ROR1: variants seen among roughly 807,000 people sequenced by gnomAD.
ROR1 encodes ROR family WNT receptor 1.
ROR1 carries 19 observed loss-of-function variants against 78.8 expected under a neutral mutation model. That is an observed-to-expected ratio of 0.24 (90% CI 0.17 to 0.35). The LOEUF (loss-of-function observed/expected upper bound fraction) is 0.35, where lower values mean the gene tolerates loss of function less well. ROR1 is among the 10% of genes least tolerant of loss of function. The pLI is 1.00. For synonymous variants in ROR1, 386 were observed against 433.6 expected (o/e 0.89, Z 1.36); for missense variants, 917 against 1,177.8 (o/e 0.78, Z 3.24).
At chr1:63,871,305 A>T (rs1312377122) in intron 1 of ROR1, among the ~76,000 whole-genome samples, 1 of 152,208 alleles carries the variant, frequency 6.6e-6, no homozygotes, top group African/African-American at 2.4e-5. Context: ...GGAAGAATCC[A>T]GAAGGGGTCC....
chr1:64,055,883 C>G (rs1046385813), intron 4 of ROR1, among the ~76,000 whole-genome samples: 1 of 152,144 alleles, frequency 6.6e-6, no homozygotes, highest in African/African-American at 2.4e-5. Context: ...ACTTCCTATC[C>G]CTATGAATTT....
At chr1:64,159,623 C>T (rs1649880656) in intron 8 of ROR1, among the ~76,000 whole-genome samples, 1 of 152,124 alleles carries the variant, frequency 6.6e-6, no homozygotes, top group South Asian at 2.1e-4. Flanking sequence ...ATAGTTAAAA[C>T]CACTGTACTA....
intron 7 of ROR1, among the ~76,000 whole-genome samples, chr1:64,148,889 ATTAT>A (rs149235143): frequency 0.023 from 3,452 of 152,262 alleles, 55 homozygotes; most frequent in Non-Finnish European, 0.034. Flanking sequence ...AGAATTACTA[ATTAT>A]TTATTCATTC....
intron 2 of ROR1, among the ~76,000 whole-genome samples, chr1:64,021,495 T>G (rs150818022): frequency 6.6e-6 from 1 of 152,308 alleles, no homozygotes; most frequent in Non-Finnish European, 1.5e-5. Context: ...ACCTGACACT[T>G]CCTGAGCACC....
chr1:64,160,018 T>A (rs1649893609), intron 8 of ROR1, among the ~76,000 whole-genome samples: 1 of 152,218 alleles, frequency 6.6e-6, no homozygotes, highest in Admixed American at 6.5e-5. Flanking sequence ...AGCAAAAAGA[T>A]TTCATTTAAA....
At chr1:64,003,727 T>C (rs949699788) in intron 1 of ROR1, among the ~76,000 whole-genome samples, 5 of 152,204 alleles carry the variant, frequency 3.3e-5, no homozygotes, top group Non-Finnish European at 5.9e-5. Context: ...GCCTGTCCTT[T>C]TAAGTTACAG....
intron 2 of ROR1, 123 bp downstream of exon 2, chr1:64,009,499 A>G: frequency 1.5e-6 from 1 of 675,768 alleles, no homozygotes; most frequent in South Asian, 1.9e-5. Flanking sequence ...GGGCCAAAAT[A>G]AATCCCCAGC....
At chr1:64,027,391 C>T (rs995103536) in intron 2 of ROR1, among the ~76,000 whole-genome samples, 1 of 152,168 alleles carries the variant, frequency 6.6e-6, no homozygotes, top group Non-Finnish European at 1.5e-5. Context: ...ATTTCTCAAC[C>T]TAAATTATCT....
chr1:64,014,381 C>T lies in ROR1; in HGVS notation c.163+5005C>T, dbSNP rs185737918. 2.4e-3 allele frequency among the ~76,000 whole-genome samples: 362 copies of T among 151,890 alleles called. 1 individual carries two copies. Among genetic ancestry groups the T allele is most frequent in the African/African-American group, 8.1e-3 (335 of 41,416 alleles). ...AGAGACAAGGCCACCCTGGAAGAGC[C>T]GCTGAAAGCTACTATTGATGGGTCA... On this transcript the variant is annotated intron_variant, in intron 2 of 8. Coordinates refer to ENST00000371079, the MANE Select transcript of ROR1 (RefSeq NM_005012.4).
intron 2 of ROR1, among the ~76,000 whole-genome samples, chr1:64,014,740 C>CATATATATATATATATATA (rs1646504665): frequency 3.4e-5 from 1 of 29,048 alleles, no homozygotes; most frequent in Non-Finnish European, 6.5e-5. Context: ...CATACGCACA[C>CATATATATATATATATATA]TATATATATA....
At chr1:63,951,151 A>G (rs750900156) in intron 1 of ROR1, among the ~76,000 whole-genome samples, 4 of 152,202 alleles carry the variant, frequency 2.6e-5, no homozygotes, top group Admixed American at 6.5e-5. Flanking sequence ...AAGAATGACC[A>G]TGGCTCACCT....
In ROR1 at chr1:64,055,036, G is replaced by A. The variant is rs536684698; in HGVS notation, c.482+4320G>A. ...CAGTCATACTGTATTGGGATCCACCGTGACGACCTCATTTTAACTTGATTA... is the reference window on the plus strand; with the variant it reads ...CAGTCATACTGTATTGGGATCCACCATGACGACCTCATTTTAACTTGATTA... On this transcript the variant is annotated intron_variant, in intron 4 of 8. Transcript: ENST00000371079. 3.0e-4 allele frequency among the ~76,000 whole-genome samples: 46 copies of A among 152,086 alleles called. 1 individual carries two copies. The highest frequency in any genetic ancestry group is 1.7e-3 in the Admixed American group (26 of 15,266).
At chr1:64,144,132 G>A (rs1649413500) in intron 7 of ROR1, among the ~76,000 whole-genome samples, 1 of 152,170 alleles carries the variant, frequency 6.6e-6, no homozygotes, top group African/African-American at 2.4e-5. Flanking sequence ...TCAGATGTGG[G>A]ATATAAATGA....
At position 64,049,760 on chromosome 1, in the gene ROR1, A is replaced by G. The variant is rs745463902; in HGVS notation, c.233A>G (p.His78Arg). 7 of 1,614,126 alleles carry G rather than the reference A, an allele frequency of 4.3e-6. No homozygotes were observed. In the South Asian group the frequency reaches 6.6e-5, roughly 15 times the overall value. ...TCTCTGGGCCAGACAGCAGAACTGC[A>G]CTGCAAAGTCTCTGGGAATCCACCT... ...TTSLGQTAEL[H>R]CKVSGNPPPT... Residue 78 changes from histidine to arginine, a missense_variant, in exon 3 of 9, where the codon CAC (histidine) becomes CGC (arginine). By Grantham distance (29) the His-to-Arg change is conservative. Around this residue, in one of 3 missense-constraint regions of ROR1, gnomAD observed 19 missense variants for 50.9 expected, o/e 0.37. Transcript: ENST00000371079.
chr1:64,176,663 T>C (rs902626453), intron 8 of ROR1, among the ~76,000 whole-genome samples: 2 of 152,082 alleles, frequency 1.3e-5, no homozygotes, highest in African/African-American at 4.8e-5. Flanking sequence ...GAAATGACCA[T>C]AGTGGTCAGG....
intron 1 of ROR1, among the ~76,000 whole-genome samples, chr1:63,971,634 T>A (rs1488046659): frequency 6.6e-6 from 1 of 152,184 alleles, no homozygotes; most frequent in Non-Finnish European, 1.5e-5. Context: ...TCATAAATCT[T>A]GTAAAAGTTG....
In ROR1 at chr1:63,944,547, T is replaced by G. The variant is rs547434438; in HGVS notation, c.92-64758T>G. Among the ~76,000 whole-genome samples the G allele has an allele frequency of 1.1e-4, 17 of 152,364 alleles. 1 individual carries two copies. In the South Asian group the frequency reaches 3.3e-3, roughly 30 times the overall value. ...TTAGCCTATGTCAAATGGTTTGATT[T>G]ACTTAAGTGGTCTATTTCGTTATTC... On this transcript the variant is annotated intron_variant, in intron 1 of 8. Coordinates refer to ENST00000371079, the MANE Select transcript of ROR1 (RefSeq NM_005012.4).
intron 4 of ROR1, 145 bp from the exon 5 acceptor site, chr1:64,137,224 A>G (rs1649143672): frequency 1.4e-6 from 1 of 728,962 alleles, no homozygotes; most frequent in Admixed American, 2.9e-5. Context: ...GAACTGAGCA[A>G]AAGCCCAATT....
At position 63,892,201 on chromosome 1, in the gene ROR1, C is replaced by T. The variant is rs201424150; in HGVS notation, c.92-117104C>T. ...ACACAGTTCATTTCCTTGAATCTCA[C>T]AATTGAATAGGGGAAAAGGTACAAG... On this transcript the variant is annotated intron_variant, in intron 1 of 8. Coordinates refer to ENST00000371079, the MANE Select transcript of ROR1 (RefSeq NM_005012.4). 4.6e-5 allele frequency among the ~76,000 whole-genome samples: 7 copies of T among 152,178 alleles called. No homozygotes were observed. The East Asian group carries it at 1.4e-3, about 29-fold the overall frequency.
Sources: allele counts gnomAD v4.1 joint callset (sites outside exome capture counted in the v4.1 genomes callset), GRCh38; gene constraint gnomAD v4.1.1; regional missense constraint gnomAD v4.1.1; transcripts MANE v1.5; gene names NCBI Gene and HGNC (gene_info 2026-07-23, HGNC 2026-07-21).